ASIC2: variants seen among roughly 807,000 people sequenced by gnomAD.
ASIC2 encodes the protein acid-sensing ion channel 2.
ASIC2 carries 25 observed loss-of-function variants against 57.3 expected under a neutral mutation model. That is an observed-to-expected ratio of 0.44 (90% CI 0.32 to 0.61). ASIC2 has a LOEUF of 0.61. Ranked by LOEUF, ASIC2 falls within the 20% of genes least tolerant of loss-of-function variation. The pLI, the probability that ASIC2 is intolerant of heterozygous loss-of-function variation, is 0.06. For missense variants in ASIC2, 641 were observed against 738.1 expected, an observed-to-expected ratio of 0.87 and a Z score of 1.52; for synonymous variants, 319 against 307.5, an observed-to-expected ratio of 1.04 and a Z score of -0.39.
chr17:33,219,480 C>G (rs1352709565), intron 1 of ASIC2, among the ~76,000 whole-genome samples: 1 of 152,208 alleles, frequency 6.6e-6, no homozygotes, highest in Non-Finnish European at 1.5e-5. Flanking sequence ...CTCCTTGAAG[C>G]CTTCCAACAA....
intron 1 of ASIC2, among the ~76,000 whole-genome samples, chr17:33,315,193 G>A (rs562301101): frequency 1.3e-5 from 2 of 152,302 alleles, no homozygotes; most frequent in South Asian, 4.1e-4. Context: ...ACAGTGTCTG[G>A]TATCTAGTGG....
intron 1 of ASIC2, among the ~76,000 whole-genome samples, chr17:33,320,754 G>A (rs1331447451): frequency 1.3e-5 from 2 of 152,126 alleles, no homozygotes; most frequent in African/African-American, 2.4e-5. Context: ...TCCTGGAAAT[G>A]CAGACTTCAT....
intron 1 of ASIC2, chr17:33,936,008 C>T (rs913860704): frequency 6.6e-6 from 1 of 152,270 alleles, no homozygotes; most frequent in Non-Finnish European, 1.5e-5. Context: ...ACTTACCTCT[C>T]TGGGCCTCAG....
intron 1 of ASIC2, among the ~76,000 whole-genome samples, chr17:33,468,816 G>T (rs951740670): frequency 2.0e-5 from 3 of 152,188 alleles, no homozygotes; most frequent in East Asian, 1.9e-4. Flanking sequence ...CAAGTTTTTT[G>T]ATTGCAAATT....
chr17:33,334,020 C>T (rs1306160001), intron 1 of ASIC2, among the ~76,000 whole-genome samples: 1 of 152,168 alleles, frequency 6.6e-6, no homozygotes, highest in Non-Finnish European at 1.5e-5. Flanking sequence ...GCATTCAATG[C>T]CCTCAGGAAG....
At chr17:33,882,504 GA>G (rs1306675919) in intron 1 of ASIC2, among the ~76,000 whole-genome samples, 2 of 152,260 alleles carry the variant, frequency 1.3e-5, no homozygotes, top group East Asian at 3.9e-4. Flanking sequence ...ACAGACACAT[GA>G]AAAAATGCTC....
chr17:33,628,278 A>G (rs938823953), intron 1 of ASIC2, among the ~76,000 whole-genome samples: 11 of 150,650 alleles, frequency 7.3e-5, no homozygotes, highest in African/African-American at 2.7e-4. Context: ...ATTTTCTGAT[A>G]TCTACCTGTC....
intron 1 of ASIC2, among the ~76,000 whole-genome samples, chr17:33,567,559 G>A (rs1469384978): frequency 6.6e-6 from 1 of 152,156 alleles, no homozygotes; most frequent in East Asian, 1.9e-4. Flanking sequence ...ATTCCAGGCA[G>A]GATGGTGTCT....
chr17:33,459,768 C>G (rs1912574057), intron 1 of ASIC2, among the ~76,000 whole-genome samples: 1 of 152,210 alleles, frequency 6.6e-6, no homozygotes. Context: ...GGAGCAGCAG[C>G]TGGCCCTCCA....
intron 1 of ASIC2, among the ~76,000 whole-genome samples, chr17:33,948,665 G>A (rs533145917): frequency 1.7e-4 from 26 of 152,338 alleles, no homozygotes; most frequent in African/African-American, 5.5e-4. Context: ...TGGCTTCCCC[G>A]CTTAGTAGCT....
intron 1 of ASIC2, among the ~76,000 whole-genome samples, chr17:33,356,599 C>T (rs1908382498): frequency 1.3e-5 from 2 of 152,090 alleles, no homozygotes; most frequent in South Asian, 2.1e-4. Context: ...CTAGAAAGGC[C>T]ACCACTACAG....
Position 33,134,358 on chromosome 17 carries a change from C to A in ASIC2, c.709-22291G>T, listed in dbSNP as rs540737272. Among the ~76,000 whole-genome samples the A allele has an allele frequency of 9.2e-5, 14 of 152,252 alleles. No homozygotes were observed. The East Asian group carries it at 2.7e-3, about 29-fold the overall frequency. ...ACCTGCCCTCCAAAAGCTTACAGAG[C>A]AGAGGGATGGCAACATTGATTGCCC... On this transcript the variant is annotated intron_variant, in intron 1 of 9. Transcript: ENST00000225823.
At chr17:33,177,215 A>C (rs911592115) in intron 1 of ASIC2, among the ~76,000 whole-genome samples, 7 of 152,160 alleles carry the variant, frequency 4.6e-5, no homozygotes, top group African/African-American at 1.7e-4. Context: ...CTGGCCTCTG[A>C]TCTGCTTAAT....
intron 1 of ASIC2, among the ~76,000 whole-genome samples, chr17:33,290,461 G>A (rs1905374656): frequency 6.6e-6 from 1 of 152,232 alleles, no homozygotes; most frequent in South Asian, 2.1e-4. Flanking sequence ...CTGGGGCCTG[G>A]CACCAGAACT....
chr17:33,737,544 C>T lies in ASIC2; in HGVS notation c.555+418434G>A, dbSNP rs1909957056. Reference sequence around the variant, plus strand: ...CACTGCTAATTGTAAACTGAGACCGCTTATAGGTTTATTTAACTTCTTTGA... The same window carrying T: ...CACTGCTAATTGTAAACTGAGACCGTTTATAGGTTTATTTAACTTCTTTGA... On this transcript the variant is annotated intron_variant, in intron 1 of 9. Transcript: ENST00000359872. Among the ~76,000 whole-genome samples, 5 of 146,388 alleles carry T rather than the reference C, an allele frequency of 3.4e-5. No homozygotes were observed. In the Admixed American group the frequency reaches 3.5e-4, roughly 10 times the overall value.
At chr17:33,980,199 G>C (rs755147995) in intron 1 of ASIC2, among the ~76,000 whole-genome samples, 2 of 152,100 alleles carry the variant, frequency 1.3e-5, no homozygotes, top group Non-Finnish European at 2.9e-5. Flanking sequence ...ATAGGTGCTG[G>C]GAGCATGGTG....
chr17:33,957,423 T>C (rs561394023), intron 1 of ASIC2, among the ~76,000 whole-genome samples: 1 of 152,172 alleles, frequency 6.6e-6, no homozygotes, highest in Non-Finnish European at 1.5e-5. Context: ...AACTGGGTAA[T>C]TTATAAAGAT....
chr17:33,598,692 A>G (rs1358109096), intron 1 of ASIC2, among the ~76,000 whole-genome samples: 2 of 152,134 alleles, frequency 1.3e-5, no homozygotes. Flanking sequence ...CTTTTCTTGC[A>G]TGTATAGAGC....
intron 1 of ASIC2, among the ~76,000 whole-genome samples, chr17:33,270,309 C>T (rs2142156953): frequency 6.6e-6 from 1 of 152,304 alleles, no homozygotes; most frequent in African/African-American, 2.4e-5. Flanking sequence ...ATGTTATAAT[C>T]AGCCCATTTC....
Sources: allele counts gnomAD v4.1 joint callset (sites outside exome capture counted in the v4.1 genomes callset), GRCh38; gene constraint gnomAD v4.1.1; transcripts MANE v1.5; gene names NCBI Gene and HGNC (gene_info 2026-07-23, HGNC 2026-07-21).